Variants in TRPM3 observed in about 807,000 individuals in gnomAD.
The protein encoded by TRPM3 is transient receptor potential cation channel subfamily M member 3, also known as long transient receptor potential channel 3.
TRPM3 carries 77 observed loss-of-function variants against 181.2 expected under a neutral mutation model. That is an observed-to-expected ratio of 0.42 (90% confidence interval 0.35 to 0.51). The LOEUF (loss-of-function observed/expected upper bound fraction) is 0.51. TRPM3 is among the 20% of genes least tolerant of loss of function. TRPM3 has a pLI of 0.01. For synonymous variants in TRPM3, 745 were observed against 796.4 expected, an observed-to-expected ratio of 0.94 and a Z score of 1.09; for missense variants, 1,759 against 2,196.7, an observed-to-expected ratio of 0.80 and a Z score of 3.98.
chr9:71,293,222 C>T (rs1164505398), intron 1 of TRPM3, among the ~76,000 whole-genome samples: 1 of 151,476 alleles, frequency 6.6e-6, no homozygotes, highest in Non-Finnish European at 1.5e-5. Context: ...AAAATTATTC[C>T]CTTTGAAATG....
chr9:70,802,989 T>A (rs2089558289), intron 6 of TRPM3, among the ~76,000 whole-genome samples: 1 of 135,104 alleles, frequency 7.4e-6, no homozygotes, highest in African/African-American at 2.7e-5. Context: ...TTTGTGTTGC[T>A]GGCCAGAGCT....
chr9:70,626,773 T>C (rs1283048775), intron 12 of TRPM3, among the ~76,000 whole-genome samples: 1 of 152,142 alleles, frequency 6.6e-6, no homozygotes, highest in Admixed American at 6.5e-5. Context: ...AATTAAAATT[T>C]TTTTGCTAAC....
chr9:70,985,425 A>G (rs2097409188), intron 1 of TRPM3, among the ~76,000 whole-genome samples: 1 of 152,164 alleles, frequency 6.6e-6, no homozygotes, highest in African/African-American at 2.4e-5. Flanking sequence ...AAGGCAACCC[A>G]GTGCTCTGGC....
At chr9:70,911,824 C>G (rs978361444) in intron 1 of TRPM3, among the ~76,000 whole-genome samples, 1 of 152,178 alleles carries the variant, frequency 6.6e-6, no homozygotes, top group Non-Finnish European at 1.5e-5. Flanking sequence ...TGCTGCATTA[C>G]AACAGCATCC....
At chr9:70,654,072 CT>C (rs35097634) in intron 9 of TRPM3, among the ~76,000 whole-genome samples, 37,745 of 147,226 alleles carry the variant, frequency 0.26, 6,743 homozygotes, top group African/African-American at 0.52. Flanking sequence ...GGTCTTGGCT[CT>C]TTTTTTTTTT....
intron 1 of TRPM3, among the ~76,000 whole-genome samples, chr9:71,255,103 T>C (rs1285416649): frequency 6.6e-6 from 1 of 152,170 alleles, no homozygotes; most frequent in Admixed American, 6.5e-5. Context: ...CACTAATCTA[T>C]TACTGGATTG....
At chr9:70,878,299 G>GT (rs1324651495) in intron 1 of TRPM3, among the ~76,000 whole-genome samples, 1 of 152,056 alleles carries the variant, frequency 6.6e-6, no homozygotes, top group African/African-American at 2.4e-5. Flanking sequence ...TAGCTGTGGA[G>GT]TTAATTGTAC....
At chr9:70,583,617 G>A (rs2056486519) in intron 22 of TRPM3, among the ~76,000 whole-genome samples, 1 of 152,220 alleles carries the variant, frequency 6.6e-6, no homozygotes, top group African/African-American at 2.4e-5. Flanking sequence ...GGTGATGAAT[G>A]ATGCTTCTCT....
At chr9:71,378,784 A>G (rs1183880838) in intron 1 of TRPM3, among the ~76,000 whole-genome samples, 1 of 152,080 alleles carries the variant, frequency 6.6e-6, no homozygotes, top group African/African-American at 2.4e-5. Context: ...TGCTAATTAA[A>G]ATATAAATTT....
At chr9:70,865,715 G>A (rs1170141091) in intron 1 of TRPM3, among the ~76,000 whole-genome samples, 2 of 152,060 alleles carry the variant, frequency 1.3e-5, no homozygotes, top group East Asian at 1.9e-4. Context: ...CAAGCATGTG[G>A]CACCGAAGGC....
chr9:70,639,304 C>A (rs1231696926), intron 10 of TRPM3, 110 bp from the exon 11 acceptor site: 28 of 1,207,132 alleles, frequency 2.3e-5, no homozygotes, highest in Non-Finnish European at 3.3e-5. Flanking sequence ...TCTGGTAAAC[C>A]TTCAGCACAT....
chr9:70,557,639 T>A (rs1021171447), intron 22 of TRPM3, among the ~76,000 whole-genome samples: 1 of 152,162 alleles, frequency 6.6e-6, no homozygotes, highest in Non-Finnish European at 1.5e-5. Flanking sequence ...AGATTTATGT[T>A]CCCAGAGAAA....
intron 1 of TRPM3, among the ~76,000 whole-genome samples, chr9:70,908,732 A>G (rs1211079239): frequency 6.6e-6 from 1 of 152,256 alleles, no homozygotes; most frequent in Non-Finnish European, 1.5e-5. Context: ...AACAGTTATT[A>G]GAAAGCTACA....
Position 71,233,219 on chromosome 9 carries a change from T to A in TRPM3, c.183+213434A>T, listed in dbSNP as rs150100023. On this transcript the variant is annotated intron_variant, in intron 1 of 24. Transcript: ENST00000357533. ...GTCCTTTTCAAATCAAATGAATCATTTTCCCTCCTTTAAAATTCAAAAGGA... is the reference window on the plus strand; with the variant it reads ...GTCCTTTTCAAATCAAATGAATCATATTCCCTCCTTTAAAATTCAAAAGGA... Among the ~76,000 whole-genome samples the A allele has an allele frequency of 2.0e-5, 3 of 152,308 alleles. No individual in the cohort carries two copies. In the East Asian group the frequency reaches 5.8e-4, roughly 29 times the overall value.
chr9:70,662,311 A>G (rs1406093285), intron 9 of TRPM3, among the ~76,000 whole-genome samples: 1 of 152,228 alleles, frequency 6.6e-6, no homozygotes, highest in African/African-American at 2.4e-5. Context: ...ATCTGAAATC[A>G]TAAAAATTCT....
chr9:71,376,637 G>A (rs115085810), intron 1 of TRPM3, among the ~76,000 whole-genome samples: 2,206 of 151,972 alleles, frequency 0.015, 66 homozygotes, highest in African/African-American at 0.05. Flanking sequence ...GCTATTTATC[G>A]TCATTATTAT....
At chr9:70,670,642 C>T (rs1260978728) in intron 9 of TRPM3, among the ~76,000 whole-genome samples, 1 of 152,098 alleles carries the variant, frequency 6.6e-6, no homozygotes, top group African/African-American at 2.4e-5. Flanking sequence ...TGAGTCCTTT[C>T]AAATCTGGCA....
rs1365628108 is a variant in TRPM3 at position 70,693,957 on chromosome 9, C to A, written c.1273-12379G>T. Among the ~76,000 whole-genome samples the A allele has an allele frequency of 2.6e-5, 4 of 152,232 alleles. No homozygotes were observed. In the East Asian group the frequency reaches 7.7e-4, roughly 29 times the overall value. ...GCTTAACTATGAAGAACACTAGAGA[C>A]CAACATCCTAATGGCAGGGTGTATA... On this transcript the variant is annotated intron_variant, in intron 8 of 25. Coordinates refer to ENST00000677713, the MANE Select transcript of TRPM3 (RefSeq NM_001366145.2).
chr9:70,788,585 G>C (rs2084519171), intron 6 of TRPM3, among the ~76,000 whole-genome samples: 1 of 151,994 alleles, frequency 6.6e-6, no homozygotes, highest in South Asian at 2.1e-4. Flanking sequence ...CGCCGGAAGG[G>C]GGATGGTTTT....
Sources: allele counts gnomAD v4.1 joint callset (sites outside exome capture counted in the v4.1 genomes callset), GRCh38; gene constraint gnomAD v4.1.1; transcripts MANE v1.5; gene names NCBI Gene and HGNC (gene_info 2026-07-23, HGNC 2026-07-21).